Variants in NKAIN2 observed in about 807,000 individuals in gnomAD.
NKAIN2 encodes the protein sodium/potassium transporting ATPase interacting 2, also known as sodium/potassium-transporting ATPase subunit beta-1-interacting protein 2.
Under a neutral mutation model 32.6 loss-of-function variants are expected in NKAIN2, and 14 were observed. That is an observed-to-expected ratio of 0.43 (90% CI 0.28 to 0.67). NKAIN2 has a LOEUF of 0.67. NKAIN2 is among the 30% of genes least tolerant of loss of function. The pLI is 0.17. For synonymous variants in NKAIN2, 80 were observed against 87.2 expected (o/e 0.92, Z 0.46); for missense variants, 198 against 258.3 (o/e 0.77, Z 1.60).
intron 1 of NKAIN2, among the ~76,000 whole-genome samples, chr6:124,124,461 T>C (rs1396294971): frequency 1.3e-5 from 2 of 152,182 alleles, no homozygotes; most frequent in African/African-American, 4.8e-5. Flanking sequence ...TTATGAATAA[T>C]AGTCCTGCAG....
chr6:123,806,553 G>A (rs1229467642), intron 1 of NKAIN2, among the ~76,000 whole-genome samples: 2 of 152,002 alleles, frequency 1.3e-5, no homozygotes, highest in Non-Finnish European at 2.9e-5. Context: ...AGGTGGGTGT[G>A]TATGTTTTCC....
chr6:124,121,865 G>A (rs1475471857), intron 1 of NKAIN2: 2 of 1,132,430 alleles, frequency 1.8e-6, no homozygotes, highest in Non-Finnish European at 2.3e-6. Context: ...TTGTCCCTCT[G>A]GTATATTTAC....
intron 3 of NKAIN2, among the ~76,000 whole-genome samples, chr6:124,571,202 G>A (rs1202052410): frequency 2.6e-5 from 4 of 152,296 alleles, no homozygotes; most frequent in South Asian, 2.1e-4. Flanking sequence ...AGGTTCATAG[G>A]TGGAAGGGAT....
chr6:124,102,202 G>A (rs534805071), intron 1 of NKAIN2, among the ~76,000 whole-genome samples: 1 of 152,296 alleles, frequency 6.6e-6, no homozygotes, highest in Admixed American at 6.5e-5. Context: ...ATGTGGTGCG[G>A]GGACCACTGC....
intron 2 of NKAIN2, among the ~76,000 whole-genome samples, chr6:124,344,391 G>A (rs937326998): frequency 1.3e-5 from 2 of 151,666 alleles, no homozygotes; most frequent in Non-Finnish European, 2.9e-5. Flanking sequence ...AGCTTGATGG[G>A]GATGGCATTG....
At chr6:124,603,716 C>G (rs1782393198) in intron 3 of NKAIN2, among the ~76,000 whole-genome samples, 1 of 151,882 alleles carries the variant, frequency 6.6e-6, no homozygotes. Flanking sequence ...CAAACTGATA[C>G]ACTGAGAGTT....
chr6:124,144,585 A>C (rs1787299776), intron 1 of NKAIN2, among the ~76,000 whole-genome samples: 1 of 152,184 alleles, frequency 6.6e-6, no homozygotes, highest in African/African-American at 2.4e-5. Flanking sequence ...AATTAAAAAA[A>C]ATAAAGAATC....
At chr6:124,512,710 A>G (rs1778760249) in intron 3 of NKAIN2, among the ~76,000 whole-genome samples, 1 of 152,184 alleles carries the variant, frequency 6.6e-6, no homozygotes, top group Non-Finnish European at 1.5e-5. Flanking sequence ...AGACCTCTGC[A>G]AGAAAATGTG....
At chr6:124,805,402 C>A (rs1395993034) in intron 5 of NKAIN2, among the ~76,000 whole-genome samples, 1 of 152,174 alleles carries the variant, frequency 6.6e-6, no homozygotes, top group Non-Finnish European at 1.5e-5. Context: ...GGACCTCTAG[C>A]AAACTCCAAC....
chr6:124,291,762 A>G (rs886325331), intron 2 of NKAIN2, among the ~76,000 whole-genome samples: 1 of 151,650 alleles, frequency 6.6e-6, no homozygotes, highest in Non-Finnish European at 1.5e-5. Flanking sequence ...CTCTCCCTTA[A>G]CTTTTCTCCA....
rs375534407 is a variant in NKAIN2 at position 124,217,185 on chromosome 6, T to G, written c.55-65820T>G. Among the ~76,000 whole-genome samples, 17 of 152,148 alleles carry G rather than the reference T, an allele frequency of 1.1e-4. No individual in the cohort carries two copies. The East Asian group carries it at 2.7e-3, about 24-fold the overall frequency. Reference sequence around the variant, plus strand: ...AAGTTAAATAAGTAGGAAAAACAACTCAGTACTTGAAAGTGGTGGCCTACA... The same window carrying G: ...AAGTTAAATAAGTAGGAAAAACAACGCAGTACTTGAAAGTGGTGGCCTACA... On this transcript the variant is annotated intron_variant, in intron 1 of 6. Transcript: ENST00000368417.
At chr6:124,544,269 G>A (rs952573255) in intron 3 of NKAIN2, among the ~76,000 whole-genome samples, 2 of 151,794 alleles carry the variant, frequency 1.3e-5, no homozygotes, top group South Asian at 4.2e-4. Flanking sequence ...CATTACAGTC[G>A]AGAAGGAAAT....
intron 1 of NKAIN2, among the ~76,000 whole-genome samples, chr6:123,824,609 C>T (rs746843594): frequency 6.6e-6 from 1 of 151,772 alleles, no homozygotes; most frequent in African/African-American, 2.4e-5. Flanking sequence ...GGACAAATAC[C>T]TAATGCATGC....
In NKAIN2 at chr6:124,252,934, C is replaced by T. The variant is rs115938631; in HGVS notation, c.55-30071C>T. ...TGCCTGATATAGAACGACAACTATACGTTAGTTAAATAAAATTTATAAAAG... is the reference window on the plus strand; with the variant it reads ...TGCCTGATATAGAACGACAACTATATGTTAGTTAAATAAAATTTATAAAAG... On this transcript the variant is annotated intron_variant, in intron 1 of 6. Transcript: ENST00000368417. Among the ~76,000 whole-genome samples the T allele has an allele frequency of 1.2e-3, 182 of 152,218 alleles. 1 individual carries two copies. Among genetic ancestry groups the T allele is most frequent in the African/African-American group, 4.2e-3 (174 of 41,568 alleles).
Position 123,917,162 on chromosome 6 carries a change from C to A in NKAIN2, c.54+112908C>A, listed in dbSNP as rs146974729. 9.3e-3 allele frequency among the ~76,000 whole-genome samples: 1,407 copies of A among 152,092 alleles called. 15 individuals carry two copies. The highest frequency in any genetic ancestry group is 0.062 in the Middle Eastern group (18 of 292). ...CTTTCTCTGAAGACAGACTTTGCAA[C>A]TTTCTCTAAAGTTTTTAAAGAGACA... On this transcript the variant is annotated intron_variant, in intron 1 of 6. Transcript: ENST00000368417.
intron 4 of NKAIN2, among the ~76,000 whole-genome samples, chr6:124,769,603 T>C (rs1778662088): frequency 6.6e-6 from 1 of 152,142 alleles, no homozygotes; most frequent in African/African-American, 2.4e-5. Context: ...AGGAAGATTG[T>C]TTTCCCTGTT....
intron 3 of NKAIN2, among the ~76,000 whole-genome samples, chr6:124,446,997 G>A (rs1370407294): frequency 1.3e-5 from 2 of 152,094 alleles, no homozygotes; most frequent in Non-Finnish European, 2.9e-5. Flanking sequence ...GAATAATTAA[G>A]TCCAGCATGT....
At chr6:124,697,834 G>C (rs111779746) in intron 4 of NKAIN2, among the ~76,000 whole-genome samples, 77 of 152,034 alleles carry the variant, frequency 5.1e-4, no homozygotes, top group Non-Finnish European at 8.8e-5. Flanking sequence ...TAGTCCTGCC[G>C]CTAAAACTCC....
intron 1 of NKAIN2, among the ~76,000 whole-genome samples, chr6:124,046,431 T>G (rs574645677): frequency 5.3e-4 from 80 of 152,136 alleles, no homozygotes; most frequent in African/African-American, 1.3e-3. Context: ...ACAGTGCACA[T>G]TAGTTCCTTT....
Sources: gnomAD v4.1 joint callset for allele counts (sites outside exome capture counted in the v4.1 genomes callset) on GRCh38, gnomAD v4.1.1 for gene constraint, MANE v1.5 for transcripts, NCBI Gene and HGNC (gene_info 2026-07-23, HGNC 2026-07-21) for gene names.